Variants in PLPPR1 observed in about 807,000 individuals in gnomAD.
PLPPR1 encodes the protein phospholipid phosphatase-related protein type 1.
In PLPPR1, 10 loss-of-function variants were observed where a neutral mutation model predicts 33.1. The observed-to-expected ratio is 0.30, with a 90% confidence interval of 0.19 to 0.51. PLPPR1 has a LOEUF of 0.51. Among genes scored for constraint, PLPPR1 ranks in the 20% least tolerant of loss-of-function variants. The probability of loss-of-function intolerance (pLI) is 0.97; values close to 1 mark genes in which losing one functional copy is unlikely to be tolerated. For missense variants in PLPPR1, 304 were observed against 408.1 expected (o/e 0.74, Z 2.20); for synonymous variants, 151 against 151.0 (o/e 1.00, Z 0.00).
chr9:101,324,429 T>C lies in PLPPR1; in HGVS notation c.*372T>C, dbSNP rs2118978184. ...CACTTTAAACTTTTATTACCACAGT[T>C]GCTGCCTCCTCCAGAATTTTTGAAT... On this transcript the variant is annotated 3_prime_UTR_variant, in exon 8 of 8. Coordinates refer to ENST00000374874, the MANE Select transcript of PLPPR1 (RefSeq NM_207299.2). 6.0e-6 allele frequency: 1 copy of C among 167,020 alleles called. No individual in the cohort carries two copies. The highest frequency in any genetic ancestry group is 2.4e-5 in the African/African-American group (1 of 42,158). The allele number at this position is 167,020 out of a possible 1,614,324, so 10.3% of individuals were successfully genotyped here. A position where few individuals can be genotyped will look rare whatever the true frequency, so the allele number is the denominator to read the frequency against.
At chr9:101,301,904 T>C (rs1025669542) in intron 4 of PLPPR1, among the ~76,000 whole-genome samples, 1 of 152,232 alleles carries the variant, frequency 6.6e-6, no homozygotes, top group African/African-American at 2.4e-5. Flanking sequence ...GAGGGACATG[T>C]TATAAAGTCC....
Position 101,044,542 on chromosome 9 carries a change from T to C in PLPPR1, c.-46+15440T>C, listed in dbSNP as rs549040653. On this transcript the variant is annotated intron_variant, in intron 1 of 7. Transcript: ENST00000374874. ...GACAAGGGTAACTCAAAGAGAATTG[T>C]TTTGAGATAAAGTATTGGAGGGTAA... Among the ~76,000 whole-genome samples, 4 of 152,344 alleles carry C rather than the reference T, an allele frequency of 2.6e-5. No individual in the cohort carries two copies. In the South Asian group the frequency reaches 8.3e-4, roughly 32 times the overall value.
chr9:101,212,264 G>A (rs1001425820), intron 2 of PLPPR1, among the ~76,000 whole-genome samples: 3 of 151,936 alleles, frequency 2.0e-5, no homozygotes, highest in African/African-American at 7.3e-5. Context: ...TGTATTTTTA[G>A]TAGAGATGGG....
At chr9:101,175,670 C>T (rs568617428) in intron 1 of PLPPR1, among the ~76,000 whole-genome samples, 1 of 152,134 alleles carries the variant, frequency 6.6e-6, no homozygotes, top group South Asian at 2.1e-4. Flanking sequence ...AATGGGATAC[C>T]TGGCATAATT....
At chr9:101,116,547 G>T (rs1002399681) in intron 1 of PLPPR1, among the ~76,000 whole-genome samples, 2 of 152,150 alleles carry the variant, frequency 1.3e-5, no homozygotes, top group African/African-American at 4.8e-5. Context: ...TGGCGCAGTG[G>T]CTCACGCCTG....
chr9:101,050,291 A>G (rs548633102), intron 1 of PLPPR1, among the ~76,000 whole-genome samples: 2 of 151,830 alleles, frequency 1.3e-5, no homozygotes, highest in East Asian at 1.9e-4. Flanking sequence ...CTTTTTTTGG[A>G]AAAAAAACAA....
chr9:101,122,827 T>G (rs1831193792), intron 1 of PLPPR1, among the ~76,000 whole-genome samples: 2 of 152,222 alleles, frequency 1.3e-5, no homozygotes, highest in East Asian at 3.8e-4. Flanking sequence ...TTCTAACACC[T>G]AGTTAGCAAC....
chr9:101,109,134 A>ATTT (rs67666339), intron 1 of PLPPR1, among the ~76,000 whole-genome samples: 17 of 99,736 alleles, frequency 1.7e-4, no homozygotes, highest in South Asian at 3.4e-4. Context: ...AATTTTTTGT[A>ATTT]TTTTTTTTTT....
intron 6 of PLPPR1, among the ~76,000 whole-genome samples, chr9:101,315,604 A>C (rs1829036874): frequency 6.6e-6 from 1 of 152,168 alleles, no homozygotes; most frequent in African/African-American, 2.4e-5. Flanking sequence ...GTGACTTCCC[A>C]ATTGATGTCA....
intron 1 of PLPPR1, among the ~76,000 whole-genome samples, chr9:101,062,432 A>G (rs942112797): frequency 9.9e-5 from 15 of 152,024 alleles, no homozygotes; most frequent in African/African-American, 3.4e-4. Context: ...TATTCCTTTA[A>G]TATTGGTAGA....
chr9:101,134,091 A>C (rs1316137913), intron 1 of PLPPR1, among the ~76,000 whole-genome samples: 1 of 152,208 alleles, frequency 6.6e-6, no homozygotes, highest in Non-Finnish European at 1.5e-5. Flanking sequence ...TGTTAGCCTA[A>C]CTAAACTCAA....
chr9:101,029,608 C>T (rs1026172527), intron 1 of PLPPR1, among the ~76,000 whole-genome samples: 1 of 152,218 alleles, frequency 6.6e-6, no homozygotes, highest in Non-Finnish European at 1.5e-5. Flanking sequence ...CCTTCCACCC[C>T]TCTGCGTCCT....
chr9:101,131,223 T>A (rs1000920384), intron 1 of PLPPR1, among the ~76,000 whole-genome samples: 13 of 152,184 alleles, frequency 8.5e-5, no homozygotes, highest in African/African-American at 3.1e-4. Flanking sequence ...TCTGGAATAA[T>A]CATGGGTATG....
At chr9:101,270,720 T>A (rs1341770133) in intron 3 of PLPPR1, among the ~76,000 whole-genome samples, 5 of 152,238 alleles carry the variant, frequency 3.3e-5, no homozygotes, top group Admixed American at 3.3e-4. Flanking sequence ...AGATCTGTGT[T>A]ACCTGGTCAA....
rs1318330197 is a variant in PLPPR1 at position 101,250,615 on chromosome 9, C to T, written c.64-19265C>T. 2.0e-5 allele frequency among the ~76,000 whole-genome samples: 3 copies of T among 152,130 alleles called. No individual in the cohort carries two copies. In the East Asian group the frequency reaches 5.8e-4, roughly 30 times the overall value. ...TTCTTCCAGACTAATGTCCTGCTCT[C>T]CTCCTTAAAATTAATCCACTTGGAA... is the stretch of plus-strand genomic sequence containing the variant. On this transcript the variant is annotated intron_variant, in intron 2 of 7. Coordinates refer to ENST00000374874, the MANE Select transcript of PLPPR1 (RefSeq NM_207299.2).
intron 1 of PLPPR1, among the ~76,000 whole-genome samples, chr9:101,094,424 C>T (rs566138216): frequency 2.2e-4 from 34 of 152,242 alleles, no homozygotes; most frequent in South Asian, 1.7e-3. Flanking sequence ...CACTCAAACA[C>T]GCCAGAGAAG....
chr9:101,118,791 C>T (rs1050724549), intron 1 of PLPPR1, among the ~76,000 whole-genome samples: 1 of 152,208 alleles, frequency 6.6e-6, no homozygotes, highest in Non-Finnish European at 1.5e-5. Context: ...CTTGCCACAT[C>T]GTGACTTATT....
chr9:101,279,611 T>A (rs1828259649), intron 3 of PLPPR1, among the ~76,000 whole-genome samples: 1 of 152,188 alleles, frequency 6.6e-6, no homozygotes, highest in African/African-American at 2.4e-5. Flanking sequence ...AATAGTCATA[T>A]CAAGTATATT....
intron 5 of PLPPR1, among the ~76,000 whole-genome samples, chr9:101,312,198 C>T (rs981041183): frequency 2.0e-5 from 3 of 152,202 alleles, no homozygotes; most frequent in African/African-American, 7.2e-5. Context: ...ATGTATGAGT[C>T]AATTTACTAG....
Sources: gnomAD v4.1 joint callset for allele counts (sites outside exome capture counted in the v4.1 genomes callset) on GRCh38, gnomAD v4.1.1 for gene constraint, MANE v1.5 for transcripts, NCBI Gene and HGNC (gene_info 2026-07-23, HGNC 2026-07-21) for gene names.